VAMP2: variants seen among roughly 807,000 people sequenced by gnomAD.
VAMP2 encodes vesicle-associated membrane protein 2.
For missense variants in VAMP2, 95 were observed against 151.3 expected (o/e 0.63, Z 1.95); for synonymous variants, 67 against 57.3 (o/e 1.17, Z -0.76).
intron 2 of VAMP2, among the ~76,000 whole-genome samples, chr17:8,162,005 G>A (rs1200712340): frequency 6.6e-6 from 1 of 152,130 alleles, no homozygotes; most frequent in Non-Finnish European, 1.5e-5. Context: ...TGGAACCTCA[G>A]GCGCTCTGTC....
Position 8,162,367 on chromosome 17 carries a change from G to A in VAMP2, c.5C>T (p.Ser2Phe). 6.2e-7 allele frequency: 1 copy of A among 1,610,380 alleles called. No homozygotes were observed. The highest frequency in any genetic ancestry group is 8.5e-7 in the Non-Finnish European group (1 of 1,178,720). The change falls in exon 2 of 5, where the codon TCT becomes TTT. Residue 2 changes from serine to phenylalanine, a missense_variant and splice_region_variant. Ser to Phe is a radical substitution (Grantham distance 155). Coordinates refer to ENST00000316509, the MANE Select transcript of VAMP2 (RefSeq NM_014232.3). ...AGGGGGGGCCGTGGCAGCGGTAGCA[G>A]ACCTGAGGAGCAGGGACGGATTAAG... M[S>F]ATAATAPPAA... is the part of the protein sequence containing the mutation.
intron 1 of VAMP2, 41 bp downstream of exon 1, chr17:8,162,837 G>A: frequency 2.5e-6 from 3 of 1,214,020 alleles, no homozygotes; most frequent in Non-Finnish European, 3.1e-6. Flanking sequence ...GCGGCGGCCG[G>A]CGCAGGGAAG....
chr17:8,162,649 G>A, intron 1 of VAMP2: 1 of 1,395,670 alleles, frequency 7.2e-7, no homozygotes, highest in Non-Finnish European at 9.2e-7. Flanking sequence ...CGGTGACAGG[G>A]GCGGGGAGGG....
chr17:8,159,258 G>A lies in VAMP2; in HGVS notation c.*1597C>T, dbSNP rs1983216452. The A allele has an allele frequency of 6.6e-6, 1 of 151,790 alleles. No homozygotes were observed. The highest frequency in any genetic ancestry group is 1.5e-5 in the Non-Finnish European group (1 of 67,962). The allele number at this position is 151,790 out of a possible 1,614,324, so 9.4% of individuals were successfully genotyped here. On this transcript the variant is annotated 3_prime_UTR_variant, in exon 5 of 5. Coordinates refer to ENST00000316509, the MANE Select transcript of VAMP2 (RefSeq NM_014232.3). Reference sequence around the variant, plus strand: ...GCAGGGGACACTGGGATAATATGGGGGGTCTAAAACACAGCACCCCCACCT... The same window carrying A: ...GCAGGGGACACTGGGATAATATGGGAGGTCTAAAACACAGCACCCCCACCT...
At chr17:8,161,846 T>C in intron 2 of VAMP2, 80 bp from the exon 3 acceptor site, 3 of 1,557,410 alleles carry the variant, frequency 1.9e-6, no homozygotes, top group Non-Finnish European at 2.6e-6. Context: ...GTGCCCACCG[T>C]GCCACACATG....
In VAMP2 at chr17:8,162,107, G is replaced by A. The variant is rs529780527; in HGVS notation, c.123+142C>T. 51 of 1,357,008 alleles carry A rather than the reference G, an allele frequency of 3.8e-5. No individual in the cohort carries two copies. In the African/African-American group the frequency reaches 5.5e-4, roughly 15 times the overall value. 84.1% of individuals were successfully genotyped at this position (1,357,008 alleles called of 1,614,324 possible). On this transcript the variant is annotated intron_variant, in intron 2 of 4. Coordinates refer to ENST00000316509, the MANE Select transcript of VAMP2 (RefSeq NM_014232.3). Reference sequence around the variant, plus strand: ...CGCCCTTCCAAGTGCGTGCTGACAGGGAGACAGGGATGGGGCATGGTATCT... The same window carrying A: ...CGCCCTTCCAAGTGCGTGCTGACAGAGAGACAGGGATGGGGCATGGTATCT...
rs1379331022 is a variant in VAMP2, at chr17:8,161,497, C to T, written c.310G>A (p.Ala104Thr). Residue 104 changes from alanine (A) to threonine (T), a missense_variant, in exon 4 of 5, where the codon GCC (alanine) becomes ACC (threonine). Physicochemically the swap from Ala to Thr is moderately conservative, Grantham distance 58 (BLOSUM62 0). Coordinates refer to ENST00000316509, the MANE Select transcript of VAMP2 (RefSeq NM_014232.3). ...CCTATGATGATGATGAGGATGATGG[C>T]GCAAATCACTCCCAAGATGATCATC... ...KMMIILGVIC[A>T]IILIIIIVYF... 3.7e-6 allele frequency: 6 copies of T among 1,614,120 alleles called. No homozygotes were observed. Among genetic ancestry groups the T allele is most frequent in the East Asian group, 4.5e-5 (2 of 44,882 alleles).
intron 1 of VAMP2, 194 bp from the exon 2 acceptor site, chr17:8,162,563 C>T: frequency 6.8e-7 from 1 of 1,462,356 alleles, no homozygotes; most frequent in Non-Finnish European, 9.0e-7. Context: ...GCCCCCCCGG[C>T]CTCAGTTTCC....
chr17:8,161,256 T>C, intron 4 of VAMP2: 1 of 693,068 alleles, frequency 1.4e-6, no homozygotes, highest in Non-Finnish European at 2.4e-6. Flanking sequence ...TACACCAGCT[T>C]TCCTATTTCC....
chr17:8,161,255 T>C, intron 4 of VAMP2: 1 of 690,850 alleles, frequency 1.4e-6, no homozygotes, highest in South Asian at 2.0e-5. Flanking sequence ...ATACACCAGC[T>C]TTCCTATTTC....
intron 2 of VAMP2, 111 bp downstream of exon 2, chr17:8,162,138 C>G (rs1983332867): frequency 1.4e-6 from 2 of 1,456,982 alleles, no homozygotes; most frequent in Admixed American, 5.0e-5. Context: ...TATCTTTGTC[C>G]GCAAACCCAC....
intron 1 of VAMP2, 162 bp downstream of exon 1, chr17:8,162,716 G>C: frequency 7.7e-7 from 1 of 1,301,982 alleles, no homozygotes; most frequent in Non-Finnish European, 9.7e-7. Flanking sequence ...CGGCCAGCCC[G>C]GGACGCGGGG....
rs1025403328 is a variant in VAMP2 at position 8,160,486 on chromosome 17, TA to T, written c.*368del. 3.6e-5 allele frequency: 5 copies of T among 138,768 alleles called. No homozygotes were observed. Among genetic ancestry groups the T allele is most frequent in the African/African-American group, 1.4e-4 (5 of 36,224 alleles). The allele number at this position is 138,768 out of a possible 1,614,324, so 8.6% of individuals were successfully genotyped here. ...GGCCAGGGTGGGAGGAAGGATCAGCTAAATCTGAGGGAAGAAGAAGGAAAGG... is the reference window on the plus strand; with the variant it reads ...GGCCAGGGTGGGAGGAAGGATCAGCTAATCTGAGGGAAGAAGAAGGAAAGG... On this transcript the variant is annotated 3_prime_UTR_variant, in exon 5 of 5. Transcript: ENST00000316509.
intron 4 of VAMP2, 87 bp from the exon 5 acceptor site, chr17:8,160,958 G>C: frequency 8.2e-7 from 1 of 1,212,908 alleles, no homozygotes; most frequent in Non-Finnish European, 1.2e-6. Flanking sequence ...GCCTGGCCCT[G>C]CTCCAATCCT....
chr17:8,162,595 C>T (rs1983351304), intron 1 of VAMP2: 1 of 1,441,252 alleles, frequency 6.9e-7, no homozygotes, highest in Non-Finnish European at 9.1e-7. Flanking sequence ...CTGAGGGCGA[C>T]CTCACAGATG....
chr17:8,161,213 C>T (rs1983301383), intron 4 of VAMP2: 1 of 589,194 alleles, frequency 1.7e-6, no homozygotes, highest in South Asian at 2.2e-5. Context: ...GGTTCTCAGA[C>T]TGGGCTCTTA....
chr17:8,162,706 C>A, intron 1 of VAMP2, 172 bp downstream of exon 1: 1 of 1,310,326 alleles, frequency 7.6e-7, no homozygotes, highest in Non-Finnish European at 9.7e-7. Flanking sequence ...TCGCCCGAGC[C>A]GGCCAGCCCG....
Position 8,160,770 on chromosome 17 carries a change from G to GGT in VAMP2, c.*84_*85insAC. 1 of 1,501,222 alleles carries GGT rather than the reference G, an allele frequency of 6.7e-7. No homozygotes were observed. Among genetic ancestry groups the GGT allele is most frequent in the Non-Finnish European group, 9.1e-7 (1 of 1,100,276 alleles). The allele number at this position is 1,501,222 out of a possible 1,614,324, so 93.0% of individuals were successfully genotyped here. On this transcript the variant is annotated 3_prime_UTR_variant, in exon 5 of 5. Transcript: ENST00000316509. ...CACACACGGATCCAGGGGAGTGGGG[G>GGT]CTGAAAGATATGGCTGAGAGGTGGA...
chr17:8,161,656 T>C lies in VAMP2; in HGVS notation c.234A>G (p.Glu78=). Residue 78 remains glutamate, a synonymous_variant, in exon 3 of 5, where the codon GAA becomes GAG. Transcript: ENST00000316509. ...DALQAGASQF[E]TSAAKLKRKY... ...TGCGCTTGAGCTTGGCTGCGCTTGT[T>C]TCAAACTGGGAGGCCCCCGCCTGGA... The C allele has an allele frequency of 6.2e-7, 1 of 1,614,146 alleles. No individual in the cohort carries two copies. The highest frequency in any genetic ancestry group is 8.5e-7 in the Non-Finnish European group (1 of 1,180,010).
Sources: gnomAD v4.1 joint callset for allele counts (sites outside exome capture counted in the v4.1 genomes callset) on GRCh38, gnomAD v4.1.1 for gene constraint, MANE v1.5 for transcripts, NCBI Gene and HGNC (gene_info 2026-07-23, HGNC 2026-07-21) for gene names.